Variants in ZC3H12B observed in about 807,000 individuals in gnomAD.
The protein encoded by ZC3H12B is probable ribonuclease ZC3H12B.
Under a neutral mutation model 43.9 loss-of-function variants are expected in ZC3H12B, and 7 were observed. The observed-to-expected ratio is 0.16, with a 90% confidence interval of 0.09 to 0.30. The LOEUF (loss-of-function observed/expected upper bound fraction) is 0.30, where lower values mean the gene tolerates loss of function less well. Ranked by LOEUF, ZC3H12B falls within the 10% of genes least tolerant of loss-of-function variation. The pLI is 1.00. For synonymous variants in ZC3H12B, 222 were observed against 241.7 expected (o/e 0.92, Z 0.76); for missense variants, 475 against 670.2 (o/e 0.71, Z 3.22).
At chrX:65,506,895 T>A (rs1243638374) in exon 5 of ZC3H12B, 1 of 111,073 alleles carries the variant, frequency 9.0e-6, no homozygotes, top group Admixed American at 9.7e-5. Flanking sequence ...CTTATGGAAA[T>A]GGTCTACAAA....
the ZC3H12B span, among the ~76,000 whole-genome samples, chrX:65,214,646 A>G: frequency 2.4e-4 from 27 of 111,258 alleles, no homozygotes; most frequent in Middle Eastern, 0.023. Flanking sequence ...AGTCTTGAAC[A>G]CCTCAAAGTC....
chrX:65,182,721 C>CAA, the ZC3H12B span, among the ~76,000 whole-genome samples: 71 of 89,100 alleles, frequency 8.0e-4, no homozygotes, highest in African/African-American at 2.4e-3. Flanking sequence ...GTTTCACAAA[C>CAA]AAAAAAAAAA....
At chrX:65,135,138 G>A in the ZC3H12B span, among the ~76,000 whole-genome samples, 1 of 111,222 alleles carries the variant, frequency 9.0e-6, no homozygotes, top group Non-Finnish European at 1.9e-5. Flanking sequence ...TGCAAAAACT[G>A]TCTACCAGTG....
chrX:65,212,640 G>T, the ZC3H12B span, among the ~76,000 whole-genome samples: 5 of 78,149 alleles, frequency 6.4e-5, no homozygotes, highest in Non-Finnish European at 6.9e-5. Flanking sequence ...AAATATATAT[G>T]ATTATATATC....
the ZC3H12B span, among the ~76,000 whole-genome samples, chrX:65,074,528 A>G: frequency 1.8e-5 from 2 of 111,799 alleles, no homozygotes; most frequent in South Asian, 7.3e-4. Flanking sequence ...GATTTGGGAT[A>G]TTTAGGCTAT....
chrX:65,256,805 A>T, the ZC3H12B span, among the ~76,000 whole-genome samples: 2 of 112,190 alleles, frequency 1.8e-5, no homozygotes, highest in African/African-American at 3.2e-5. Flanking sequence ...ATGAACAGAC[A>T]CTTCTCAAAA....
the ZC3H12B span, among the ~76,000 whole-genome samples, chrX:65,246,216 G>C: frequency 9.0e-6 from 1 of 111,092 alleles, no homozygotes; most frequent in Admixed American, 9.6e-5. Flanking sequence ...GGAGGTGAAA[G>C]GTCTCTATGG....
chrX:65,453,396 AT>A (rs1164207312), intron 3 of ZC3H12B, among the ~76,000 whole-genome samples: 7 of 88,496 alleles, frequency 7.9e-5, no homozygotes, highest in African/African-American at 2.4e-4. Flanking sequence ...ATATATATAT[AT>A]ATATATAAAA....
chrX:65,266,778 G>A, the ZC3H12B span, among the ~76,000 whole-genome samples: 3 of 111,218 alleles, frequency 2.7e-5, no homozygotes, highest in Non-Finnish European at 5.6e-5. Context: ...GCAAGGGTTT[G>A]CCTTTGTTTC....
At chrX:65,357,376 G>T in the ZC3H12B span, 1 of 226,118 alleles carries the variant, frequency 4.4e-6, no homozygotes, top group Non-Finnish European at 8.2e-6. Flanking sequence ...AGGAAATGTT[G>T]CACAAACACT....
chrX:65,498,620 TG>T (rs2068324134), intron 2 of ZC3H12B, among the ~76,000 whole-genome samples: 1 of 112,365 alleles, frequency 8.9e-6, no homozygotes, highest in African/African-American at 3.2e-5. Context: ...AGTTTCCTCC[TG>T]GCAGACACAT....
At chrX:65,265,091 T>C in the ZC3H12B span, among the ~76,000 whole-genome samples, 2 of 111,866 alleles carry the variant, frequency 1.8e-5, no homozygotes, top group African/African-American at 6.5e-5. Flanking sequence ...ATAATTACGA[T>C]CTCTAACATA....
the ZC3H12B span, among the ~76,000 whole-genome samples, chrX:65,082,918 C>T: frequency 8.1e-5 from 9 of 110,653 alleles, no homozygotes; most frequent in Admixed American, 7.7e-4. Context: ...ATGACCAAAT[C>T]GGATTTATCT....
the ZC3H12B span, among the ~76,000 whole-genome samples, chrX:65,300,133 T>A: frequency 8.9e-6 from 1 of 112,085 alleles, no homozygotes; most frequent in South Asian, 3.7e-4. Context: ...CAATTTCAAC[T>A]GAACACGAAG....
the ZC3H12B span, among the ~76,000 whole-genome samples, chrX:65,148,792 T>G: frequency 8.9e-6 from 1 of 111,852 alleles, no homozygotes; most frequent in South Asian, 3.7e-4. Context: ...TCATCTGGTG[T>G]CTTTAGTTCT....
chrX:65,310,054 G>T, the ZC3H12B span, among the ~76,000 whole-genome samples: 1 of 111,888 alleles, frequency 8.9e-6, no homozygotes, highest in Non-Finnish European at 1.9e-5. Flanking sequence ...TACTGAATGG[G>T]CAAAACCTGG....
the ZC3H12B span, among the ~76,000 whole-genome samples, chrX:65,047,521 T>A: frequency 1.8e-5 from 2 of 111,398 alleles, no homozygotes; most frequent in Admixed American, 1.9e-4. Flanking sequence ...TAACACTTTA[T>A]AAAGACACAC....
the ZC3H12B span, among the ~76,000 whole-genome samples, chrX:65,315,850 G>A: frequency 9.0e-6 from 1 of 111,438 alleles, no homozygotes; most frequent in African/African-American, 3.3e-5. Flanking sequence ...ATGGAATTCT[G>A]AATATAGATA....
the ZC3H12B span, among the ~76,000 whole-genome samples, chrX:65,067,594 T>C: frequency 1.9e-3 from 212 of 112,170 alleles, no homozygotes; most frequent in African/African-American, 6.6e-3. Flanking sequence ...TTCAGCCATC[T>C]TGCCAGATCC....
Sources: allele counts gnomAD v4.1 joint callset (sites outside exome capture counted in the v4.1 genomes callset), GRCh38; gene constraint gnomAD v4.1.1; transcripts MANE v1.5; gene names NCBI Gene and HGNC (gene_info 2026-07-23, HGNC 2026-07-21).